Variants in ZSCAN16 observed in about 807,000 individuals in gnomAD.
The protein encoded by ZSCAN16 is zinc finger and SCAN domain containing 16.
A neutral mutation model predicts 19.4 loss-of-function variants in ZSCAN16; 15 were observed. The ratio of observed to expected loss-of-function variants is 0.77; its 90% CI spans 0.52 to 1.19. The LOEUF is 1.19. Among genes scored for constraint, ZSCAN16 ranks in the 50% most tolerant of loss-of-function variants. The pLI, the probability that ZSCAN16 is intolerant of heterozygous loss-of-function variation, is 0.00. For synonymous variants in ZSCAN16, 138 were observed against 146.5 expected, an observed-to-expected ratio of 0.94 and a Z score of 0.42; for missense variants, 327 against 415.7, an observed-to-expected ratio of 0.79 and a Z score of 1.86.
chr6:28,128,283 CCTGT>C (rs1177167938), intron 3 of ZSCAN16, among the ~76,000 whole-genome samples: 1 of 151,938 alleles, frequency 6.6e-6, no homozygotes, highest in Non-Finnish European at 1.5e-5. Flanking sequence ...CCTGGCTCAA[CCTGT>C]CTTTTGATTC....
In ZSCAN16 at chr6:28,125,431, G is replaced by A. The variant is rs929322670; in HGVS notation, c.-13G>A. 4 of 1,602,860 alleles carry A rather than the reference G, an allele frequency of 2.5e-6. No individual in the cohort carries two copies. The highest frequency in any genetic ancestry group is 3.4e-6 in the Non-Finnish European group (4 of 1,175,016). On this transcript the variant is annotated 5_prime_UTR_variant, in exon 2 of 4. Transcript: ENST00000340487. The surrounding 1 kb of genome is among the most constrained non-coding windows in gnomAD (Gnocchi z 6.2). ...ATCCCAGATAGAGGATAAATCTCCT[G>A]GCAAAGCCCAGAATGACCACAGCCC...
rs1224557602 is a variant in ZSCAN16, at chr6:28,125,713, G to A, written c.270G>A (p.Leu90=). The change falls in exon 2 of 4, where the codon CTG becomes CTA. Residue 90 remains leucine, a synonymous_variant. Transcript: ENST00000340487. The surrounding 1 kb of genome is among the most constrained non-coding windows in gnomAD (Gnocchi z 6.2). The stretch of plus-strand genomic sequence containing the variant: ...ACCTGCTGGTGCTAGAACAGTTCCT[G>A]AGCATTCTTCCTAAAGACCTGCAAG... ...ILDLLVLEQF[L]SILPKDLQAW... is the part of the protein sequence containing the mutation. 13 of 1,614,218 alleles carry A rather than the reference G, an allele frequency of 8.1e-6. No individual in the cohort carries two copies. The highest frequency in any genetic ancestry group is 2.2e-5 in the East Asian group (1 of 44,888).
chr6:28,126,750 T>C (rs771922900), intron 2 of ZSCAN16, 33 bp from the exon 3 acceptor site: 1 of 1,398,916 alleles, frequency 7.1e-7, no homozygotes, highest in Non-Finnish European at 9.4e-7. Context: ...TAAGTTTCCA[T>C]AAAATTCACC....
chr6:28,125,935 C>A lies in ZSCAN16; in HGVS notation c.387+105C>A. On this transcript the variant is annotated intron_variant, in intron 2 of 3. Transcript: ENST00000340487. This position sits in a 1 kb window ranked among gnomAD's most constrained non-coding sequence, Gnocchi z 6.2. ...CTGAAAATATTTATCCTCTAAAGAA[C>A]AAGGCATAGGAAGGGACCTGACTAC... The A allele has an allele frequency of 1.1e-6, 1 of 924,690 alleles. No homozygotes were observed. The highest frequency in any genetic ancestry group is 1.7e-5 in the South Asian group (1 of 57,152). The allele number at this position is 924,690 out of a possible 1,614,324, so 57.3% of individuals were successfully genotyped here.
Position 28,129,814 on chromosome 6 carries a change from G to T in ZSCAN16, c.911G>T (p.Arg304Leu). Reference sequence around the variant, plus strand: ...GAATGTGGGAAAGACTTCAGTGGGCGCACAGGTCTTATTCAGCATCAGAGA... The same window carrying T: ...GAATGTGGGAAAGACTTCAGTGGGCTCACAGGTCTTATTCAGCATCAGAGA... Reference protein sequence around the residue: ...CKECGKDFSGRTGLIQHQRIH... With the variant: ...CKECGKDFSGLTGLIQHQRIH... The change falls in exon 4 of 4, where the codon CGC becomes CTC. Residue 304 changes from arginine (R) to leucine (L), a missense_variant. By Grantham distance (102) the Arg-to-Leu change is moderately radical (BLOSUM62 -2). Coordinates refer to ENST00000340487, the MANE Select transcript of ZSCAN16 (RefSeq NM_025231.3). The T allele has an allele frequency of 2.5e-6, 4 of 1,614,122 alleles. No homozygotes were observed. Among genetic ancestry groups the T allele is most frequent in the Non-Finnish European group, 1.7e-6 (2 of 1,180,010 alleles).
At chr6:28,128,321 C>T (rs1318997934) in intron 3 of ZSCAN16, among the ~76,000 whole-genome samples, 2 of 151,968 alleles carry the variant, frequency 1.3e-5, no homozygotes, top group African/African-American at 4.8e-5. Context: ...TGAGTATTTA[C>T]TAAATAGCAG....
At chr6:28,126,954 A>G in intron 3 of ZSCAN16, 33 bp downstream of exon 3, 1 of 1,431,166 alleles carries the variant, frequency 7.0e-7, no homozygotes, top group Non-Finnish European at 9.3e-7. Flanking sequence ...GTATGAGGGT[A>G]GAGGTACTTC....
chr6:28,128,349 T>C (rs895649042), intron 3 of ZSCAN16, among the ~76,000 whole-genome samples: 2 of 152,154 alleles, frequency 1.3e-5, no homozygotes, highest in African/African-American at 2.4e-5. Flanking sequence ...CCAGACACTA[T>C]ACTAAATGTA....
chr6:28,124,836 C>G (rs1157443654), intron 1 of ZSCAN16, among the ~76,000 whole-genome samples, 159 bp downstream of exon 1: 1 of 152,212 alleles, frequency 6.6e-6, no homozygotes, highest in African/African-American at 2.4e-5. Flanking sequence ...TTGGCCCAGC[C>G]TTCCGGGAGA....
chr6:28,126,685 C>T (rs1764912635), intron 2 of ZSCAN16, 98 bp from the exon 3 acceptor site: 1 of 972,310 alleles, frequency 1.0e-6, no homozygotes, highest in African/African-American at 1.7e-5. Flanking sequence ...GAATTTGTCC[C>T]CCCTTTCTAT....
At chr6:28,128,690 T>TA (rs778274290) in intron 3 of ZSCAN16, among the ~76,000 whole-genome samples, 28 of 152,212 alleles carry the variant, frequency 1.8e-4, no homozygotes, top group Non-Finnish European at 3.2e-4. Flanking sequence ...TGTGTTTTAA[T>TA]AAACGATCCA....
chr6:28,127,582 A>G (rs553402629), intron 3 of ZSCAN16, among the ~76,000 whole-genome samples: 1 of 152,216 alleles, frequency 6.6e-6, no homozygotes, highest in African/African-American at 2.4e-5. Flanking sequence ...TCAATGTATG[A>G]ATTTGTGGAG....
chr6:28,126,517 T>C (rs997445686), intron 2 of ZSCAN16, among the ~76,000 whole-genome samples: 3 of 152,200 alleles, frequency 2.0e-5, no homozygotes, highest in Admixed American at 2.0e-4. Flanking sequence ...TTGGGCTAGA[T>C]GATTTTTAAG....
In ZSCAN16 at chr6:28,125,907, C is replaced by T; in HGVS notation, c.387+77C>T. 5 of 1,111,692 alleles carry T rather than the reference C, an allele frequency of 4.5e-6. No homozygotes were observed. The highest frequency in any genetic ancestry group is 6.4e-6 in the Non-Finnish European group (5 of 787,036). The allele number at this position is 1,111,692 out of a possible 1,614,324, so 68.9% of individuals were successfully genotyped here. On this transcript the variant is annotated intron_variant, in intron 2 of 3. Coordinates refer to ENST00000340487, the MANE Select transcript of ZSCAN16 (RefSeq NM_025231.3). The surrounding 1 kb of genome is among the most constrained non-coding windows in gnomAD (Gnocchi z 6.2). ...CCAAAGCAAAAGGCATATGAAAGAA[C>T]ATCTGAAAATATTTATCCTCTAAAG...
At chr6:28,129,217 T>A (rs1307531142) in intron 3 of ZSCAN16, among the ~76,000 whole-genome samples, 1 of 152,250 alleles carries the variant, frequency 6.6e-6, no homozygotes, top group African/African-American at 2.4e-5. Context: ...TCTGCTGATA[T>A]CTTCCTTAAT....
At chr6:28,129,229 C>A in intron 3 of ZSCAN16, 1 of 283,978 alleles carries the variant, frequency 3.5e-6, no homozygotes, top group Non-Finnish European at 5.3e-6. Context: ...TTCCTTAATT[C>A]TTAATTTCTT....
rs1457683306 is a variant in ZSCAN16, at chr6:28,125,729, G to A, written c.286G>A (p.Asp96Asn). 1 of 1,614,206 alleles carries A rather than the reference G, an allele frequency of 6.2e-7. No individual in the cohort carries two copies. The highest frequency in any genetic ancestry group is 1.1e-5 in the South Asian group (1 of 91,082). ...LEQFLSILPK[D>N]LQAWVRAHHP... Reference sequence around the variant, plus strand: ...ACAGTTCCTGAGCATTCTTCCTAAAGACCTGCAAGCATGGGTGCGTGCACA... The same window carrying A: ...ACAGTTCCTGAGCATTCTTCCTAAAAACCTGCAAGCATGGGTGCGTGCACA... Residue 96 changes from aspartate (D) to asparagine (N), a missense_variant, in exon 2 of 4, where the codon GAC (aspartate) becomes AAC (asparagine). Coordinates refer to ENST00000340487, the MANE Select transcript of ZSCAN16 (RefSeq NM_025231.3). This position sits in a 1 kb window ranked among gnomAD's most constrained non-coding sequence, Gnocchi z 6.2.
chr6:28,128,623 A>G (rs1764968508), intron 3 of ZSCAN16, among the ~76,000 whole-genome samples: 1 of 152,176 alleles, frequency 6.6e-6, no homozygotes, highest in Non-Finnish European at 1.5e-5. Flanking sequence ...AAGAATAGCA[A>G]CTGCTCTGAG....
intron 1 of ZSCAN16, 86 bp downstream of exon 1, chr6:28,124,763 C>T (rs1764845624): frequency 6.6e-6 from 1 of 152,344 alleles, no homozygotes; most frequent in Admixed American, 6.5e-5. Context: ...ACCTCCCTGT[C>T]GCGGGCAGAG....
Sources: allele counts gnomAD v4.1 joint callset (sites outside exome capture counted in the v4.1 genomes callset), GRCh38; gene constraint gnomAD v4.1.1; non-coding constraint Gnocchi (gnomAD v3.1); transcripts MANE v1.5; gene names NCBI Gene and HGNC (gene_info 2026-07-23, HGNC 2026-07-21).